Variants in ROBO2 observed in about 807,000 individuals in gnomAD.
ROBO2 encodes roundabout guidance receptor 2.
A neutral mutation model predicts 160.8 loss-of-function variants in ROBO2; 53 were observed. That is an observed-to-expected ratio of 0.33 (90% CI 0.26 to 0.41). The LOEUF (loss-of-function observed/expected upper bound fraction) is 0.41. Among genes scored for constraint, ROBO2 ranks in the 10% least tolerant of loss-of-function variants. The pLI is 1.00. For synonymous variants in ROBO2, 664 were observed against 611.7 expected, an observed-to-expected ratio of 1.09 and a Z score of -1.26; for missense variants, 1,577 against 1,722.4, an observed-to-expected ratio of 0.92 and a Z score of 1.49.
At chr3:76,909,541 C>A (rs1393735147) in intron 2 of ROBO2, among the ~76,000 whole-genome samples, 1 of 151,986 alleles carries the variant, frequency 6.6e-6, no homozygotes, top group African/African-American at 2.4e-5. Flanking sequence ...CCTCTCCCCT[C>A]AAAAAACTGA....
chr3:77,100,740 A>G (rs897033603), intron 2 of ROBO2, among the ~76,000 whole-genome samples: 5 of 152,230 alleles, frequency 3.3e-5, no homozygotes, highest in Non-Finnish European at 5.9e-5. Context: ...AAGAGTTACT[A>G]TAATAAATTA....
At chr3:77,508,889 G>C (rs887401472) in intron 5 of ROBO2, among the ~76,000 whole-genome samples, 2 of 151,918 alleles carry the variant, frequency 1.3e-5, no homozygotes, top group African/African-American at 4.8e-5. Flanking sequence ...TAGGCAACAG[G>C]GGTGCATGTG....
chr3:76,435,491 G>A (rs2109055785), intron 2 of ROBO2: 1 of 676,580 alleles, frequency 1.5e-6, no homozygotes, highest in East Asian at 2.6e-5. Flanking sequence ...TATCAAGATG[G>A]TTCTTTTCGC....
At chr3:76,334,165 TA>T (rs2073704884) in intron 2 of ROBO2, among the ~76,000 whole-genome samples, 1 of 152,040 alleles carries the variant, frequency 6.6e-6, no homozygotes, top group Non-Finnish European at 1.5e-5. Context: ...TATATACATA[TA>T]AAAGAAGCCT....
At chr3:76,702,398 C>T (rs899051265) in intron 2 of ROBO2, among the ~76,000 whole-genome samples, 1 of 151,848 alleles carries the variant, frequency 6.6e-6, no homozygotes, top group Non-Finnish European at 1.5e-5. Context: ...GCACATAATT[C>T]CAGTGCTGTG....
intron 19 of ROBO2, among the ~76,000 whole-genome samples, chr3:77,598,492 TATATATATATACGCACACAC>T (rs1335657613): frequency 1.4e-5 from 2 of 140,104 alleles, no homozygotes; most frequent in African/African-American, 2.6e-5. Context: ...AGTGTGTATA[TATATATATATACGCACACAC>T]ATATATATAT....
intron 2 of ROBO2, among the ~76,000 whole-genome samples, chr3:76,693,457 T>TAC (rs1382137667): frequency 7.2e-6 from 1 of 139,564 alleles, no homozygotes; most frequent in Admixed American, 7.3e-5. Context: ...TGTATATATA[T>TAC]ACACATATAT....
At chr3:76,382,347 G>C (rs1254601483) in intron 2 of ROBO2, among the ~76,000 whole-genome samples, 1 of 152,206 alleles carries the variant, frequency 6.6e-6, no homozygotes, top group Non-Finnish European at 1.5e-5. Flanking sequence ...CCAGCACTTT[G>C]GGAGGCCGAG....
rs536356583 is a variant in ROBO2, at chr3:76,160,216, C to T, written c.109+222614C>T. Among the ~76,000 whole-genome samples, 8 of 152,076 alleles carry T rather than the reference C, an allele frequency of 5.3e-5. No individual in the cohort carries two copies. The South Asian group carries it at 6.2e-4, about 12-fold the overall frequency. ...CTTTGGCTGGGTTACTTTCGTCTCT[C>T]GGTAGCCATTGCTTTTCTCTTGTTA... On this transcript the variant is annotated intron_variant, in intron 2 of 26. Coordinates refer to the ROBO2 transcript ENST00000487694.
chr3:77,014,115 A>G (rs556673426), intron 2 of ROBO2, among the ~76,000 whole-genome samples: 48 of 152,150 alleles, frequency 3.2e-4, no homozygotes, highest in African/African-American at 1.1e-3. Context: ...TTTCAAAATC[A>G]TTACAGTTGT....
chr3:76,711,176 G>C (rs2093285323), intron 2 of ROBO2, among the ~76,000 whole-genome samples: 1 of 152,168 alleles, frequency 6.6e-6, no homozygotes, highest in African/African-American at 2.4e-5. Flanking sequence ...TCACATTTCT[G>C]CAGGATTAAC....
chr3:76,095,834 A>G (rs887884250), intron 2 of ROBO2, among the ~76,000 whole-genome samples: 1 of 152,084 alleles, frequency 6.6e-6, no homozygotes, highest in Non-Finnish European at 1.5e-5. Flanking sequence ...ACATACAAAC[A>G]AAGCAAAATT....
intron 1 of ROBO2, among the ~76,000 whole-genome samples, chr3:77,045,353 CT>C (rs2064537202): frequency 6.6e-6 from 1 of 152,140 alleles, no homozygotes; most frequent in Admixed American, 6.5e-5. Flanking sequence ...GCTCTTTCAT[CT>C]AATCACATGA....
At chr3:76,311,642 A>G (rs146155927) in intron 2 of ROBO2, among the ~76,000 whole-genome samples, 14 of 152,356 alleles carry the variant, frequency 9.2e-5, no homozygotes, top group Middle Eastern at 3.4e-3. Context: ...AAGCATTACA[A>G]TGATCGTTTC....
chr3:77,405,906 A>G (rs2076216306), intron 2 of ROBO2, among the ~76,000 whole-genome samples: 1 of 152,216 alleles, frequency 6.6e-6, no homozygotes, highest in Non-Finnish European at 1.5e-5. Context: ...ATGTCATGAA[A>G]AGATAAACGT....
chr3:76,999,598 T>C (rs759564638), intron 2 of ROBO2, among the ~76,000 whole-genome samples: 3 of 152,290 alleles, frequency 2.0e-5, no homozygotes, highest in East Asian at 1.9e-4. Flanking sequence ...GTATTCATTC[T>C]AGTCATAATT....
intron 2 of ROBO2, among the ~76,000 whole-genome samples, chr3:76,245,921 A>G (rs1223669359): frequency 6.6e-6 from 1 of 152,192 alleles, no homozygotes; most frequent in Non-Finnish European, 1.5e-5. Flanking sequence ...TACCTTCTAA[A>G]GGAAAAGGAG....
At chr3:76,656,519 C>T (rs1265080117) in intron 2 of ROBO2, among the ~76,000 whole-genome samples, 2 of 152,016 alleles carry the variant, frequency 1.3e-5, no homozygotes, top group Admixed American at 6.6e-5. Context: ...AAAAGAAAGC[C>T]ATCTCTCCAA....
chr3:76,043,544 C>T (rs187350744), intron 2 of ROBO2, among the ~76,000 whole-genome samples: 1 of 140,360 alleles, frequency 7.1e-6, no homozygotes, highest in African/African-American at 2.6e-5. Flanking sequence ...TTGACTCCAG[C>T]TCACTTGGAT....
Sources: allele counts gnomAD v4.1 joint callset (sites outside exome capture counted in the v4.1 genomes callset), GRCh38; gene constraint gnomAD v4.1.1; transcripts MANE v1.5; gene names NCBI Gene and HGNC (gene_info 2026-07-23, HGNC 2026-07-21).